LY9: variants seen among roughly 807,000 people sequenced by gnomAD.
LY9 encodes the protein T-lymphocyte surface antigen Ly-9.
LY9 carries 59 observed loss-of-function variants against 64.6 expected under a neutral mutation model. The observed-to-expected ratio is 0.91, with a 90% CI of 0.74 to 1.13. The LOEUF (loss-of-function observed/expected upper bound fraction) is 1.13, where lower values mean the gene tolerates loss of function less well. Ranked by LOEUF, LY9 falls within the 50% of genes most tolerant of loss-of-function variation. LY9 has a pLI of 0.00. For missense variants in LY9, 789 were observed against 797.2 expected (o/e 0.99, Z 0.12); for synonymous variants, 281 against 308.5 (o/e 0.91, Z 0.93).
intron 9 of LY9, among the ~76,000 whole-genome samples, chr1:160,827,277 G>T (rs1460550824): frequency 6.6e-6 from 1 of 152,174 alleles, no homozygotes; most frequent in African/African-American, 2.4e-5. Context: ...GAGCTTATCT[G>T]CTCTTTAGAG....
chr1:160,816,161 C>A (rs1667931985), intron 4 of LY9, among the ~76,000 whole-genome samples: 2 of 152,206 alleles, frequency 1.3e-5, no homozygotes, highest in Middle Eastern at 3.2e-3. Flanking sequence ...ATTTATTGAA[C>A]ATTTACTCTG....
intron 2 of LY9, chr1:160,802,273 C>A: frequency 9.9e-7 from 1 of 1,013,760 alleles, no homozygotes; most frequent in Non-Finnish European, 1.2e-6. Context: ...CCTGCAAAGA[C>A]TCCTCGGGCA....
chr1:160,818,027 G>A (rs770217799), intron 5 of LY9, among the ~76,000 whole-genome samples, 191 bp from the exon 6 acceptor site: 8 of 152,164 alleles, frequency 5.3e-5, no homozygotes, highest in African/African-American at 9.7e-5. Flanking sequence ...GTCTGCCTCA[G>A]GTACTGCTAT....
At chr1:160,817,400 T>C (rs1668042422) in intron 5 of LY9, among the ~76,000 whole-genome samples, 4 of 152,200 alleles carry the variant, frequency 2.6e-5, no homozygotes, top group Non-Finnish European at 5.9e-5. Flanking sequence ...CAATTTGGTG[T>C]CTCAGTAATA....
intron 2 of LY9, chr1:160,810,098 T>A (rs1374123530): frequency 2.0e-5 from 3 of 151,854 alleles, no homozygotes; most frequent in Non-Finnish European, 4.4e-5. Context: ...AGGCTGATCT[T>A]GAACTCCTGG....
rs1668944934 is a variant in LY9, at chr1:160,827,877, C to A, written c.*61C>A. 1.4e-6 allele frequency: 2 copies of A among 1,387,222 alleles called. No homozygotes were observed. Among genetic ancestry groups the A allele is most frequent in the Non-Finnish European group, 1.0e-6 (1 of 989,014 alleles). The allele number at this position is 1,387,222 out of a possible 1,614,324, so 85.9% of individuals were successfully genotyped here. On this transcript the variant is annotated 3_prime_UTR_variant, in exon 10 of 10. Transcript: ENST00000263285. ...TGGGGTTGGAAAGTCAGCTGGACCT[C>A]ATGGGGCCTGGGGCTCACAGACAGA...
At chr1:160,807,760 G>A (rs750232857) in intron 2 of LY9, among the ~76,000 whole-genome samples, 123 of 152,314 alleles carry the variant, frequency 8.1e-4, no homozygotes, top group African/African-American at 2.7e-3. Flanking sequence ...GTGGCTGGGA[G>A]TTAGGCCCAC....
chr1:160,825,588 C>T (rs530396838), intron 9 of LY9, among the ~76,000 whole-genome samples: 1 of 152,206 alleles, frequency 6.6e-6, no homozygotes, highest in African/African-American at 2.4e-5. Context: ...AAATTCCCTC[C>T]CTATAACATA....
intron 2 of LY9, chr1:160,813,401 G>GAGA: frequency 1.8e-6 from 1 of 558,866 alleles, no homozygotes; most frequent in Non-Finnish European, 3.2e-6. Flanking sequence ...CGGGGAGAGA[G>GAGA]AGAAGTAATC....
chr1:160,811,866 A>T (rs1167819521), intron 2 of LY9: 1 of 152,092 alleles, frequency 6.6e-6, no homozygotes, highest in African/African-American at 2.4e-5. Context: ...GTTAACATTC[A>T]TGTTTCTACC....
chr1:160,808,777 G>A (rs1279135232), intron 2 of LY9, among the ~76,000 whole-genome samples: 1 of 152,160 alleles, frequency 6.6e-6, no homozygotes, highest in African/African-American at 2.4e-5. Flanking sequence ...AGTAGAGGAG[G>A]TAGGCATTAA....
In LY9 at chr1:160,825,851, G is replaced by A. The variant is rs186213029; in HGVS notation, c.1899+1602G>A. Among the ~76,000 whole-genome samples the A allele has an allele frequency of 7.2e-3, 1,090 of 151,958 alleles. 58 individuals are homozygous for A. The highest frequency in any genetic ancestry group is 0.062 in the Admixed American group (940 of 15,272). ...CTTGAACCCAGGAGGTGGAGGTTGC[G>A]GTGAGCAGAGATCACACCATTGCAC... On this transcript the variant is annotated intron_variant, in intron 9 of 9. Transcript: ENST00000263285.
chr1:160,820,979 C>T (rs561914956), intron 7 of LY9, among the ~76,000 whole-genome samples: 13 of 151,322 alleles, frequency 8.6e-5, no homozygotes, highest in Non-Finnish European at 1.5e-4. Flanking sequence ...ATGGTGAAAC[C>T]CCGTCTCTAC....
intron 1 of LY9, among the ~76,000 whole-genome samples, chr1:160,798,222 C>T (rs1470668554): frequency 2.6e-5 from 4 of 152,066 alleles, no homozygotes; most frequent in Non-Finnish European, 5.9e-5. Context: ...GAGTCATATG[C>T]ACCCAGTCAA....
chr1:160,799,468 A>T (rs1666230250), intron 1 of LY9: 5 of 337,502 alleles, frequency 1.5e-5, no homozygotes, highest in Admixed American at 8.9e-5. Context: ...TCACTGAAAA[A>T]TTCAGAAATG....
At position 160,825,230 on chromosome 1, in the gene LY9, C is replaced by T. The variant is rs1160278130; in HGVS notation, c.1899+981C>T. On this transcript the variant is annotated intron_variant, in intron 9 of 9. Coordinates refer to ENST00000263285, the MANE Select transcript of LY9 (RefSeq NM_002348.4). Reference sequence around the variant, plus strand: ...CTTAAAAAAAAAAAAAAATCCCTTACAGGTAGAATTTATCATTAAATAATC... The same window carrying T: ...CTTAAAAAAAAAAAAAAATCCCTTATAGGTAGAATTTATCATTAAATAATC... Among the ~76,000 whole-genome samples the T allele has an allele frequency of 2.6e-5, 4 of 151,426 alleles. No homozygotes were observed. In the South Asian group the frequency reaches 8.3e-4, roughly 31 times the overall value.
Position 160,814,730 on chromosome 1 carries a change from C to T in LY9, c.1041C>T (p.Thr347=). The T allele has an allele frequency of 1.2e-6, 2 of 1,613,866 alleles. No individual in the cohort carries two copies. Among genetic ancestry groups the T allele is most frequent in the South Asian group, 2.2e-5 (2 of 91,032 alleles). ...AYVCSEASSV[T]SMTHVTLLIY... is the part of the protein sequence containing the mutation. ...TGTGCTCAGAGGCCTCCAGCGTCAC[C>T]AGCATGACACATGTCACCCTGCTCA... is the stretch of plus-strand genomic sequence containing the variant. The change falls in exon 4 of 10, where the codon ACC becomes ACT. Residue 347 remains threonine, a synonymous_variant. Coordinates refer to ENST00000263285, the MANE Select transcript of LY9 (RefSeq NM_002348.4).
chr1:160,816,452 T>A, intron 4 of LY9, 142 bp from the exon 5 acceptor site: 2 of 879,422 alleles, frequency 2.3e-6, no homozygotes, highest in Non-Finnish European at 3.4e-6. Flanking sequence ...CCAGGTATAC[T>A]CCAAAATTCC....
intron 2 of LY9, chr1:160,800,374 GCTAT>G (rs80062182): frequency 0.25 from 74,014 of 292,030 alleles, 10,888 homozygotes; most frequent in East Asian, 0.36. Context: ...CTCAGTCTCT[GCTAT>G]CTATCTTTCC....
Sources: gnomAD v4.1 joint callset for allele counts (sites outside exome capture counted in the v4.1 genomes callset) on GRCh38, gnomAD v4.1.1 for gene constraint, MANE v1.5 for transcripts, NCBI Gene and HGNC (gene_info 2026-07-23, HGNC 2026-07-21) for gene names.